The following PCDH15 variants were observed in gnomAD, a reference collection of about 807,000 sequenced individuals.
PCDH15 encodes the protein protocadherin-15.
Under a neutral mutation model 178.5 loss-of-function variants are expected in PCDH15, and 129 were observed. The ratio of observed to expected loss-of-function variants is 0.72; its 90% CI spans 0.63 to 0.84. PCDH15 has a LOEUF of 0.84. Ranked by LOEUF, PCDH15 falls within the 40% of genes least tolerant of loss-of-function variation. The pLI is 0.00. For missense variants in PCDH15, 2,230 were observed against 2,099.9 expected, an observed-to-expected ratio of 1.06 and a Z score of -1.21; for synonymous variants, 800 against 732.0, an observed-to-expected ratio of 1.09 and a Z score of -1.50.
intron 2 of PCDH15, among the ~76,000 whole-genome samples, chr10:55,352,686 T>C (rs1844968483): frequency 6.6e-6 from 1 of 152,148 alleles, no homozygotes. Context: ...TTGTCTCCTC[T>C]TATTTTAAGC....
chr10:54,005,668 A>G (rs1212732786), intron 20 of PCDH15, among the ~76,000 whole-genome samples: 3 of 152,086 alleles, frequency 2.0e-5, no homozygotes, highest in East Asian at 3.9e-4. Flanking sequence ...GCAAATGCTA[A>G]TAAGGATGTG....
chr10:53,851,276 GT>G (rs933359918), intron 28 of PCDH15, among the ~76,000 whole-genome samples: 2 of 151,820 alleles, frequency 1.3e-5, no homozygotes, highest in African/African-American at 4.8e-5. Flanking sequence ...CTTTATTACA[GT>G]TATCACTACA....
At chr10:55,146,625 T>C (rs9971124) in intron 2 of PCDH15, among the ~76,000 whole-genome samples, 56,523 of 151,660 alleles carry the variant, frequency 0.37, 10,949 homozygotes, top group Admixed American at 0.47. Flanking sequence ...ATGAAAGAGC[T>C]TGCAAGTTTT....
At chr10:55,531,295 G>C (rs189680295) in intron 2 of PCDH15, among the ~76,000 whole-genome samples, 5 of 151,968 alleles carry the variant, frequency 3.3e-5, no homozygotes, top group East Asian at 3.9e-4. Flanking sequence ...GACACATTAT[G>C]ATCAAGTGTT....
chr10:55,184,801 C>T (rs1278997234), intron 1 of PCDH15, among the ~76,000 whole-genome samples: 1 of 151,880 alleles, frequency 6.6e-6, no homozygotes, highest in African/African-American at 2.4e-5. Flanking sequence ...GACACATGCA[C>T]ACAAAGTTAA....
intron 3 of PCDH15, among the ~76,000 whole-genome samples, chr10:54,875,172 T>A (rs1591757464): frequency 6.6e-6 from 1 of 152,216 alleles, no homozygotes; most frequent in African/African-American, 2.4e-5. Flanking sequence ...TTTCAAACTT[T>A]GATCATTGTG....
intron 15 of PCDH15, among the ~76,000 whole-genome samples, chr10:54,129,999 G>C (rs1163656995): frequency 6.6e-6 from 1 of 152,132 alleles, no homozygotes; most frequent in Non-Finnish European, 1.5e-5. Context: ...TTACATGAAA[G>C]GGTAATTTGG....
chr10:55,270,422 A>C (rs1842412186), intron 1 of PCDH15, among the ~76,000 whole-genome samples: 1 of 150,520 alleles, frequency 6.6e-6, no homozygotes. Context: ...TCTGTAAGGA[A>C]CTTAAACAAA....
At chr10:55,334,758 T>G (rs1844333938) in intron 2 of PCDH15, among the ~76,000 whole-genome samples, 1 of 152,210 alleles carries the variant, frequency 6.6e-6, no homozygotes, top group Non-Finnish European at 1.5e-5. Flanking sequence ...AAATCTAGAT[T>G]GTTATTTGGT....
chr10:54,992,844 T>G (rs892576348), intron 2 of PCDH15, among the ~76,000 whole-genome samples: 5 of 152,122 alleles, frequency 3.3e-5, no homozygotes, highest in Non-Finnish European at 7.4e-5. Flanking sequence ...GGTCTCTGGT[T>G]TGCTTTACTA....
At position 55,595,470 on chromosome 10, in the gene PCDH15, C is replaced by T. The variant is rs371404044; in HGVS notation, c.-156+32155G>A. Among the ~76,000 whole-genome samples, 6 of 152,152 alleles carry T rather than the reference C, an allele frequency of 3.9e-5. No individual in the cohort carries two copies. In the East Asian group the frequency reaches 7.7e-4, roughly 20 times the overall value. ...TAGAAACTGGAAAACTGTTTAAGCT[C>T]CTGATACAAAGCCACATGTCAGACT... On this transcript the variant is annotated intron_variant, in intron 2 of 5. Transcript: ENST00000613346.
intron 1 of PCDH15, among the ~76,000 whole-genome samples, chr10:55,250,725 C>T (rs939572955): frequency 2.7e-5 from 4 of 150,874 alleles, no homozygotes; most frequent in African/African-American, 7.3e-5. Flanking sequence ...TTAGTAGAGA[C>T]GGGGTTTCAC....
At chr10:54,692,317 A>C (rs1189282974) in intron 1 of PCDH15, among the ~76,000 whole-genome samples, 1 of 152,206 alleles carries the variant, frequency 6.6e-6, no homozygotes, top group African/African-American at 2.4e-5. Flanking sequence ...ATATAAATAC[A>C]AGCAGTGATA....
chr10:54,779,488 G>GTATATATATACACACATATATGTGTGTA (rs1555192840), intron 1 of PCDH15, among the ~76,000 whole-genome samples: 21,864 of 52,594 alleles, frequency 0.42, 6,687 homozygotes, highest in East Asian at 0.62. Flanking sequence ...ACATATATAT[G>GTATATATATACACACATATATGTGTGTA]TATATATATA....
At chr10:55,315,872 C>G (rs371428249) in intron 1 of PCDH15, among the ~76,000 whole-genome samples, 2 of 151,972 alleles carry the variant, frequency 1.3e-5, no homozygotes, top group South Asian at 2.1e-4. Flanking sequence ...AAAAATTTGC[C>G]AGGCGTGGTG....
chr10:54,327,396 T>C (rs1938371653), intron 7 of PCDH15, among the ~76,000 whole-genome samples: 1 of 150,464 alleles, frequency 6.6e-6, no homozygotes, highest in South Asian at 2.1e-4. Flanking sequence ...TTAAAATATA[T>C]ACACACATAC....
chr10:54,973,752 G>T (rs1031483630), intron 2 of PCDH15, among the ~76,000 whole-genome samples: 5 of 152,074 alleles, frequency 3.3e-5, no homozygotes, highest in African/African-American at 1.2e-4. Flanking sequence ...GGGAGTTGAA[G>T]CTAGATCTGG....
chr10:54,285,179 T>G (rs546325994), intron 8 of PCDH15, among the ~76,000 whole-genome samples: 1 of 152,184 alleles, frequency 6.6e-6, no homozygotes, highest in South Asian at 2.1e-4. Flanking sequence ...CTTCATGACA[T>G]TGGTCTAGGC....
chr10:54,099,221 C>T (rs1485775160), intron 15 of PCDH15, among the ~76,000 whole-genome samples: 1 of 152,056 alleles, frequency 6.6e-6, no homozygotes, highest in Non-Finnish European at 1.5e-5. Flanking sequence ...TAGACACAGG[C>T]TGGGCGCAGT....
Sources: gnomAD v4.1 joint callset for allele counts (sites outside exome capture counted in the v4.1 genomes callset) on GRCh38, gnomAD v4.1.1 for gene constraint, MANE v1.5 for transcripts, NCBI Gene and HGNC (gene_info 2026-07-23, HGNC 2026-07-21) for gene names.